WRN: variants seen among roughly 807,000 people sequenced by gnomAD.
WRN encodes WRN RecQ like helicase.
A neutral mutation model predicts 180.7 loss-of-function variants in WRN; 149 were observed. The ratio of observed to expected loss-of-function variants is 0.82; its 90% CI spans 0.72 to 0.94. The LOEUF (loss-of-function observed/expected upper bound fraction) is 0.94. Among genes scored for constraint, WRN ranks in the 40% least tolerant of loss-of-function variants. The pLI is 0.00. For synonymous variants in WRN, 548 were observed against 568.9 expected, an observed-to-expected ratio of 0.96 and a Z score of 0.52; for missense variants, 1,661 against 1,700.1, an observed-to-expected ratio of 0.98 and a Z score of 0.40.
chr8:31,166,379 A>C (rs1365486474), intron 33 of WRN, among the ~76,000 whole-genome samples: 1 of 152,156 alleles, frequency 6.6e-6, no homozygotes, highest in Admixed American at 6.5e-5. Flanking sequence ...ACATAATTTT[A>C]GAAGGTGTCA....
intron 1 of WRN, among the ~76,000 whole-genome samples, chr8:31,056,971 C>T (rs1396656058): frequency 2.0e-5 from 3 of 151,654 alleles, no homozygotes; most frequent in East Asian, 1.9e-4. Flanking sequence ...TGCAGTCTCT[C>T]TCCCCCAGTG....
At chr8:31,066,380 G>T (rs552449180) in intron 5 of WRN, among the ~76,000 whole-genome samples, 2 of 151,622 alleles carry the variant, frequency 1.3e-5, no homozygotes, top group African/African-American at 2.4e-5. Context: ...TAGAGACGAG[G>T]TTTCACCGTG....
chr8:31,058,399 A>G lies in WRN; in HGVS notation c.-49A>G, dbSNP rs1812355741. On this transcript the variant is annotated 5_prime_UTR_variant, in exon 2 of 35. Transcript: ENST00000298139. ...TTCTTTCAGATATTGTTTTGTATTTACCCATGAAGACATTGTTTTTTGGAC... is the reference window on the plus strand; with the variant it reads ...TTCTTTCAGATATTGTTTTGTATTTGCCCATGAAGACATTGTTTTTTGGAC... 1 of 1,485,630 alleles carries G rather than the reference A, an allele frequency of 6.7e-7. No individual in the cohort carries two copies. Among genetic ancestry groups the G allele is most frequent in the Non-Finnish European group, 9.4e-7 (1 of 1,068,556 alleles). The allele number at this position is 1,485,630 out of a possible 1,614,324, so 92.0% of individuals were successfully genotyped here. A position where few individuals can be genotyped will look rare whatever the true frequency, so the allele number is the denominator to read the frequency against.
intron 33 of WRN, among the ~76,000 whole-genome samples, chr8:31,163,189 C>G (rs549867038): frequency 5.3e-5 from 8 of 152,322 alleles, no homozygotes; most frequent in African/African-American, 1.9e-4. Flanking sequence ...ATTCTAACAT[C>G]ACTTCATTAT....
intron 1 of WRN, among the ~76,000 whole-genome samples, chr8:31,045,403 A>C (rs1163587285): frequency 7.2e-6 from 1 of 139,708 alleles, no homozygotes; most frequent in Admixed American, 7.2e-5. Flanking sequence ...TTCCACACTA[A>C]TTTTTTTTTT....
At chr8:31,168,428 A>G (rs2130518625) in intron 34 of WRN, among the ~76,000 whole-genome samples, 1 of 139,518 alleles carries the variant, frequency 7.2e-6, no homozygotes, top group African/African-American at 2.7e-5. Flanking sequence ...TTTTAACTAT[A>G]TATTGCCATT....
At chr8:31,154,509 T>A (rs1803294267) in intron 31 of WRN, 115 bp from the exon 32 acceptor site, 3 of 1,238,156 alleles carry the variant, frequency 2.4e-6, no homozygotes, top group Admixed American at 2.9e-5. Flanking sequence ...GGGAATTATT[T>A]GTTGCTTATG....
chr8:31,154,493 T>C (rs1025941378), intron 31 of WRN, 131 bp from the exon 32 acceptor site: 1 of 1,120,012 alleles, frequency 8.9e-7, no homozygotes, highest in Non-Finnish European at 1.2e-6. Flanking sequence ...GAGCTCCCCA[T>C]AAAAAGGGAA....
At chr8:31,131,528 C>G (rs1321381634) in intron 23 of WRN, 1 of 152,298 alleles carries the variant, frequency 6.6e-6, no homozygotes, top group Non-Finnish European at 1.5e-5. Context: ...ATAACAGGTC[C>G]CCCTTTTAGT....
chr8:31,049,688 A>G (rs1310683353), intron 1 of WRN, among the ~76,000 whole-genome samples: 1 of 152,092 alleles, frequency 6.6e-6, no homozygotes, highest in East Asian at 1.9e-4. Flanking sequence ...CTGTCAGTGA[A>G]TTTATATATC....
intron 20 of WRN, 35 bp downstream of exon 20, chr8:31,116,563 C>G: frequency 6.2e-7 from 1 of 1,611,174 alleles, no homozygotes; most frequent in Non-Finnish European, 8.5e-7. Flanking sequence ...CTCCGTTGCT[C>G]ATAGTGGAAG....
At chr8:31,099,584 CTT>C (rs1814134003) in intron 17 of WRN, among the ~76,000 whole-genome samples, 2 of 110,034 alleles carry the variant, frequency 1.8e-5, no homozygotes, top group African/African-American at 7.3e-5. Context: ...TTTTTTTTGT[CTT>C]TCTTCTCCAC....
At chr8:31,040,686 C>T (rs781437974) in intron 1 of WRN, among the ~76,000 whole-genome samples, 6 of 151,966 alleles carry the variant, frequency 3.9e-5, no homozygotes, top group South Asian at 2.1e-4. Flanking sequence ...GAGCCCTTTT[C>T]GTGGAGTGGA....
At chr8:31,149,852 G>A (rs988087453) in intron 30 of WRN, among the ~76,000 whole-genome samples, 1 of 152,256 alleles carries the variant, frequency 6.6e-6, no homozygotes, top group African/African-American at 2.4e-5. Flanking sequence ...TGGGTTCTTG[G>A]ATATTGGACA....
rs756552067 is a variant in WRN at position 31,087,933 on chromosome 8, G to A, written c.1576+13G>A. Reference sequence around the variant, plus strand: ...GATGATGATAAGGGTAAGCACTGAAGTATGTTTGAAATGACTCACCTGTGA... The same window carrying A: ...GATGATGATAAGGGTAAGCACTGAAATATGTTTGAAATGACTCACCTGTGA... On this transcript the variant is annotated intron_variant, in intron 12 of 34. Coordinates refer to ENST00000298139, the MANE Select transcript of WRN (RefSeq NM_000553.6). The A allele has an allele frequency of 1.2e-6, 2 of 1,610,584 alleles. No individual in the cohort carries two copies. The highest frequency in any genetic ancestry group is 2.7e-5 in the African/African-American group (2 of 74,834).
Position 31,085,219 on chromosome 8 carries a change from T to G in WRN, c.1404T>G (p.Asp468Glu), listed in dbSNP as rs770053876. ...ATACGTCCTATGTAATTGAGAGTGA[T>G]GAAGATTTAGAAATGGAGATGCTTA... ...ENDTSYVIES[D>E]EDLEMEMLKS... Residue 468 changes from aspartate (D) to glutamate (E), a missense_variant, in exon 11 of 35, where the codon GAT becomes GAG. Asp to Glu is a conservative substitution (Grantham distance 45). Transcript: ENST00000298139. 6.2e-7 allele frequency: 1 copy of G among 1,612,830 alleles called. No homozygotes were observed. Among genetic ancestry groups the G allele is most frequent in the African/African-American group, 1.3e-5 (1 of 74,880 alleles).
At chr8:31,058,088 A>G (rs1380067065) in intron 1 of WRN, among the ~76,000 whole-genome samples, 1 of 152,192 alleles carries the variant, frequency 6.6e-6, no homozygotes, top group Non-Finnish European at 1.5e-5. Flanking sequence ...TGATTCATAT[A>G]CCCAAGGATT....
chr8:31,049,210 CAA>C (rs72226104), intron 1 of WRN, among the ~76,000 whole-genome samples: 6 of 31,800 alleles, frequency 1.9e-4, no homozygotes, highest in African/African-American at 7.2e-4. Flanking sequence ...GACTCTGTCT[CAA>C]AAAAAAAAAA....
intron 7 of WRN, among the ~76,000 whole-genome samples, chr8:31,073,894 T>C (rs1052740042): frequency 6.6e-6 from 1 of 151,818 alleles, no homozygotes; most frequent in Non-Finnish European, 1.5e-5. Flanking sequence ...GGTTTGATGG[T>C]GTGGAGGCCA....
Sources: gnomAD v4.1 joint callset for allele counts (sites outside exome capture counted in the v4.1 genomes callset) on GRCh38, gnomAD v4.1.1 for gene constraint, MANE v1.5 for transcripts, NCBI Gene and HGNC (gene_info 2026-07-23, HGNC 2026-07-21) for gene names.